The following PCDH15 variants were observed in gnomAD, a reference collection of about 807,000 sequenced individuals.
The protein encoded by PCDH15 is protocadherin-15.
PCDH15 carries 129 observed loss-of-function variants against 178.5 expected under a neutral mutation model. That is an observed-to-expected ratio of 0.72 (90% CI 0.63 to 0.84). The LOEUF (loss-of-function observed/expected upper bound fraction) is 0.84. Ranked by LOEUF, PCDH15 falls within the 40% of genes least tolerant of loss-of-function variation. The pLI is 0.00. For missense variants in PCDH15, 2,230 were observed against 2,099.9 expected, an observed-to-expected ratio of 1.06 and a Z score of -1.21; for synonymous variants, 800 against 732.0, an observed-to-expected ratio of 1.09 and a Z score of -1.50.
intron 1 of PCDH15, among the ~76,000 whole-genome samples, chr10:55,176,356 C>T (rs1252195376): frequency 6.6e-6 from 1 of 152,102 alleles, no homozygotes; most frequent in Non-Finnish European, 1.5e-5. Flanking sequence ...GAACCACCAT[C>T]CTTATGGTTC....
At chr10:54,879,114 C>T (rs1351048500) in intron 3 of PCDH15, among the ~76,000 whole-genome samples, 2 of 151,884 alleles carry the variant, frequency 1.3e-5, no homozygotes, top group East Asian at 1.9e-4. Context: ...ACTTTAGATT[C>T]AAATGTAGCT....
intron 2 of PCDH15, among the ~76,000 whole-genome samples, chr10:55,538,331 G>T (rs1183666008): frequency 6.6e-6 from 1 of 152,172 alleles, no homozygotes; most frequent in Admixed American, 6.5e-5. Context: ...ACTAAATAGA[G>T]TTTTTCATAG....
At chr10:54,269,358 A>G (rs1175703324) in intron 8 of PCDH15, among the ~76,000 whole-genome samples, 1 of 151,986 alleles carries the variant, frequency 6.6e-6, no homozygotes, top group African/African-American at 2.4e-5. Context: ...AACAATTAAT[A>G]TAGGTTAATG....
At chr10:54,331,973 C>T (rs1193755011) in intron 6 of PCDH15, among the ~76,000 whole-genome samples, 1 of 151,474 alleles carries the variant, frequency 6.6e-6, no homozygotes, top group Non-Finnish European at 1.5e-5. Context: ...AGCTAAAAAT[C>T]CCTTTTCAGG....
chr10:54,244,243 G>C (rs1254931205), intron 8 of PCDH15, among the ~76,000 whole-genome samples: 1 of 152,028 alleles, frequency 6.6e-6, no homozygotes, highest in African/African-American at 2.4e-5. Context: ...TTTCCAAAAT[G>C]TGCATTTCAG....
intron 2 of PCDH15, among the ~76,000 whole-genome samples, chr10:55,043,515 C>G (rs1012500095): frequency 2.6e-5 from 4 of 151,894 alleles, no homozygotes; most frequent in Admixed American, 2.6e-4. Context: ...GGGAGACCAG[C>G]CTGGGCAACA....
At chr10:54,348,095 A>G (rs190188232) in intron 5 of PCDH15, among the ~76,000 whole-genome samples, 1,738 of 151,658 alleles carry the variant, frequency 0.011, 39 homozygotes, top group African/African-American at 0.039. Flanking sequence ...TGATCTGCCC[A>G]CCTCAGCCTC....
chr10:54,201,095 T>TA (rs1362974359), intron 10 of PCDH15, among the ~76,000 whole-genome samples: 2 of 152,176 alleles, frequency 1.3e-5, no homozygotes, highest in African/African-American at 4.8e-5. Flanking sequence ...GCTACATAGT[T>TA]ACAGGTACCG....
At chr10:54,904,052 T>G (rs2131828151) in intron 2 of PCDH15, among the ~76,000 whole-genome samples, 1 of 152,176 alleles carries the variant, frequency 6.6e-6, no homozygotes, top group Non-Finnish European at 1.5e-5. Flanking sequence ...GTCCTATTCC[T>G]TTTAACATAA....
At chr10:53,865,712 T>A (rs1464404828) in intron 27 of PCDH15, among the ~76,000 whole-genome samples, 1 of 143,970 alleles carries the variant, frequency 6.9e-6, no homozygotes, top group Admixed American at 7.2e-5. Flanking sequence ...GCCACAATCA[T>A]GGTGATTGTT....
intron 2 of PCDH15, among the ~76,000 whole-genome samples, chr10:55,395,453 A>AT (rs1588984741): frequency 1.3e-5 from 2 of 152,128 alleles, no homozygotes; most frequent in Non-Finnish European, 2.9e-5. Flanking sequence ...GTTTACTGAA[A>AT]TGTGCTGAAA....
At chr10:54,204,190 T>G (rs2050538366) in intron 10 of PCDH15, among the ~76,000 whole-genome samples, 1 of 152,132 alleles carries the variant, frequency 6.6e-6, no homozygotes, top group Non-Finnish European at 1.5e-5. Flanking sequence ...GATTTTTCTT[T>G]AGCAGACAAT....
chr10:55,239,070 T>C (rs987020373), intron 1 of PCDH15, among the ~76,000 whole-genome samples: 1 of 152,172 alleles, frequency 6.6e-6, no homozygotes, highest in Non-Finnish European at 1.5e-5. Context: ...TTTATTCTCA[T>C]TTTTTATTTT....
chr10:54,892,755 A>C (rs539819225), intron 3 of PCDH15, among the ~76,000 whole-genome samples: 223 of 144,518 alleles, frequency 1.5e-3, no homozygotes, highest in Middle Eastern at 3.7e-3. Context: ...TTTAAGATGG[A>C]GTTTCACTCT....
rs866462756 is a variant in PCDH15, at chr10:54,193,283, A to C, written c.1305+2400T>G. ...CAGACAAGTACGGGGTCACATAGGC[A>C]AGCATAGGGCTTAGTGTGTAACCAA... On this transcript the variant is annotated intron_variant, in intron 11 of 37. Coordinates refer to ENST00000644397, the MANE Select transcript of PCDH15 (RefSeq NM_001384140.1). Among the ~76,000 whole-genome samples the C allele has an allele frequency of 1.3e-5, 2 of 152,306 alleles. 1 individual carries two copies. The highest frequency in any genetic ancestry group is 6.8e-3 in the Middle Eastern group (2 of 294).
At chr10:55,576,477 T>C (rs1207318792) in intron 2 of PCDH15, among the ~76,000 whole-genome samples, 4 of 152,174 alleles carry the variant, frequency 2.6e-5, no homozygotes, top group African/African-American at 9.7e-5. Flanking sequence ...GGGTCAACTG[T>C]ATTACACTTT....
In PCDH15 at chr10:54,009,557, T is replaced by C. The variant is rs1314423486; in HGVS notation, c.2751+10635A>G. Among the ~76,000 whole-genome samples, 7 of 152,038 alleles carry C rather than the reference T, an allele frequency of 4.6e-5. No homozygotes were observed. The East Asian group carries it at 1.2e-3, about 25-fold the overall frequency. On this transcript the variant is annotated intron_variant, in intron 20 of 37. Coordinates refer to ENST00000644397, the MANE Select transcript of PCDH15 (RefSeq NM_001384140.1). ...AGGGAGCTGGTGTGTGTCAATCTCA[T>C]TGAGAAAAGAAAGGCTGGCGAGTGG...
chr10:54,264,176 T>C (rs1002880952), intron 8 of PCDH15, among the ~76,000 whole-genome samples: 2 of 152,148 alleles, frequency 1.3e-5, no homozygotes, highest in African/African-American at 2.4e-5. Flanking sequence ...TAACTTGTGA[T>C]TGTGTGAGTC....
At chr10:54,944,863 A>G (rs1838154976) in intron 2 of PCDH15, among the ~76,000 whole-genome samples, 1 of 151,916 alleles carries the variant, frequency 6.6e-6, no homozygotes, top group South Asian at 2.1e-4. Context: ...GTTTACCTTA[A>G]AAAGATCATG....
Sources: allele counts gnomAD v4.1 joint callset (sites outside exome capture counted in the v4.1 genomes callset), GRCh38; gene constraint gnomAD v4.1.1; transcripts MANE v1.5; gene names NCBI Gene and HGNC (gene_info 2026-07-23, HGNC 2026-07-21).